The following SHISA9 variants were observed in gnomAD, a reference collection of about 807,000 sequenced individuals.
The protein encoded by SHISA9 is shisa family member 9.
In SHISA9, 13 loss-of-function variants were observed where a neutral mutation model predicts 38.0. The ratio of observed to expected loss-of-function variants is 0.34; its 90% CI spans 0.22 to 0.54. The LOEUF (loss-of-function observed/expected upper bound fraction) is 0.54. Ranked by LOEUF, SHISA9 falls within the 20% of genes least tolerant of loss-of-function variation. SHISA9 has a pLI of 0.91. For synonymous variants in SHISA9, 275 were observed against 242.0 expected, an observed-to-expected ratio of 1.14 and a Z score of -1.27; for missense variants, 538 against 575.8, an observed-to-expected ratio of 0.93 and a Z score of 0.67.
intron 2 of SHISA9, among the ~76,000 whole-genome samples, chr16:13,007,145 A>G (rs1358723970): frequency 6.6e-6 from 1 of 152,196 alleles, no homozygotes; most frequent in Non-Finnish European, 1.5e-5. Flanking sequence ...TTCTCTAGGA[A>G]CTTCAACCTC....
chr16:13,357,138 GGAAATAAGGGATTGGGGCACA>G, the SHISA9 span, among the ~76,000 whole-genome samples: 1 of 151,806 alleles, frequency 6.6e-6, no homozygotes, highest in Non-Finnish European at 1.5e-5. Context: ...GTTGGGGCAC[GGAAATAAGGGATTGGGGCACA>G]GAGATAAGAG....
the SHISA9 span, among the ~76,000 whole-genome samples, chr16:13,554,066 T>C: frequency 2.0e-5 from 3 of 151,964 alleles, no homozygotes; most frequent in Non-Finnish European, 4.4e-5. Flanking sequence ...GGGGGGAAAG[T>C]AAAAAGTATA....
chr16:13,533,700 G>T, the SHISA9 span, among the ~76,000 whole-genome samples: 2 of 150,840 alleles, frequency 1.3e-5, no homozygotes, highest in Non-Finnish European at 2.9e-5. Flanking sequence ...TGCTTCAATT[G>T]TCCCCCATCT....
At chr16:13,557,040 C>G in the SHISA9 span, among the ~76,000 whole-genome samples, 1 of 152,086 alleles carries the variant, frequency 6.6e-6, no homozygotes, top group Non-Finnish European at 1.5e-5. Context: ...GGGAGTGTAC[C>G]GTTTGGTACT....
At chr16:13,008,084 C>A (rs144485002) in intron 2 of SHISA9, among the ~76,000 whole-genome samples, 1 of 152,116 alleles carries the variant, frequency 6.6e-6, no homozygotes, top group Non-Finnish European at 1.5e-5. Flanking sequence ...AGAATGGAAG[C>A]GCCAGGGAGT....
intron 2 of SHISA9, among the ~76,000 whole-genome samples, chr16:12,959,083 T>C (rs2071874258): frequency 1.3e-5 from 2 of 152,176 alleles, no homozygotes; most frequent in Admixed American, 6.5e-5. Flanking sequence ...TGGGAAACCA[T>C]TGGAGGATTT....
At chr16:12,906,634 T>A (rs1274521036) in intron 1 of SHISA9, among the ~76,000 whole-genome samples, 1 of 152,200 alleles carries the variant, frequency 6.6e-6, no homozygotes, top group African/African-American at 2.4e-5. Context: ...TATTTCTACT[T>A]AGGTGTTTTT....
intron 2 of SHISA9, among the ~76,000 whole-genome samples, chr16:13,102,411 A>T (rs1441554026): frequency 1.3e-5 from 2 of 152,156 alleles, no homozygotes; most frequent in Admixed American, 6.6e-5. Context: ...CTTCTCTTCC[A>T]GGTCCTTCTG....
rs146020742 is a variant in SHISA9, at chr16:13,054,849, C to T, written c.691+138034C>T. On this transcript the variant is annotated intron_variant, in intron 2 of 4. Transcript: ENST00000558583. The stretch of plus-strand genomic sequence containing the variant: ...TCATTTCAGTGCATGGAAATTTCCA[C>T]GCTGTCTCCTGCCACGGGGCCTTTG... Among the ~76,000 whole-genome samples, 51 of 152,302 alleles carry T rather than the reference C, an allele frequency of 3.3e-4. No individual in the cohort carries two copies. The East Asian group carries it at 6.0e-3, about 18-fold the overall frequency.
intron 3 of SHISA9, among the ~76,000 whole-genome samples, chr16:13,207,466 A>C (rs1232617398): frequency 7.7e-6 from 1 of 129,580 alleles, no homozygotes; most frequent in African/African-American, 3.0e-5. Context: ...GTCTTTGACA[A>C]GAATAAAAAA....
the SHISA9 span, among the ~76,000 whole-genome samples, chr16:13,556,541 T>C: frequency 6.6e-6 from 1 of 152,066 alleles, no homozygotes; most frequent in Non-Finnish European, 1.5e-5. Flanking sequence ...CACGTGCCTG[T>C]AATCCCAGCT....
intron 2 of SHISA9, among the ~76,000 whole-genome samples, chr16:13,017,711 A>C (rs1223916228): frequency 6.6e-6 from 1 of 152,188 alleles, no homozygotes; most frequent in Non-Finnish European, 1.5e-5. Flanking sequence ...TGAGGTTTAG[A>C]ATAGTTAAGT....
intron 2 of SHISA9, among the ~76,000 whole-genome samples, chr16:13,114,393 T>C (rs892564669): frequency 5.0e-5 from 7 of 139,658 alleles, no homozygotes; most frequent in African/African-American, 1.9e-4. Context: ...TTGAACCCAG[T>C]AGGCGGAGCT....
At chr16:13,389,573 TATAG>T in the SHISA9 span, among the ~76,000 whole-genome samples, 2 of 152,162 alleles carry the variant, frequency 1.3e-5, no homozygotes, top group South Asian at 4.1e-4. Flanking sequence ...TACTGAAGGA[TATAG>T]ATATTTTATT....
the SHISA9 span, among the ~76,000 whole-genome samples, chr16:13,306,368 C>G: frequency 6.6e-6 from 1 of 152,152 alleles, no homozygotes; most frequent in Admixed American, 6.5e-5. Context: ...GAGCAGTAAG[C>G]CTTTGTAACA....
the SHISA9 span, among the ~76,000 whole-genome samples, chr16:13,518,420 C>G: frequency 1.3e-5 from 2 of 152,182 alleles, no homozygotes; most frequent in Non-Finnish European, 2.9e-5. Context: ...CCTCTCCTCT[C>G]AGATGCCAAA....
At chr16:13,245,855 A>T in the SHISA9 span, among the ~76,000 whole-genome samples, 1 of 152,174 alleles carries the variant, frequency 6.6e-6, no homozygotes, top group Admixed American at 6.5e-5. Context: ...CCCAGAGGAG[A>T]AAGACAAATG....
chr16:13,497,361 C>T, the SHISA9 span, among the ~76,000 whole-genome samples: 4 of 151,824 alleles, frequency 2.6e-5, no homozygotes, highest in African/African-American at 9.7e-5. Context: ...TAAAAGCAAC[C>T]CAGGTATCCA....
At chr16:13,040,465 C>G (rs1219764922) in intron 2 of SHISA9, among the ~76,000 whole-genome samples, 1 of 152,234 alleles carries the variant, frequency 6.6e-6, no homozygotes, top group Admixed American at 6.5e-5. Context: ...TTCTAAAAAG[C>G]TTTCTGCCCT....
Sources: allele counts gnomAD v4.1 joint callset (sites outside exome capture counted in the v4.1 genomes callset), GRCh38; gene constraint gnomAD v4.1.1; transcripts MANE v1.5; gene names NCBI Gene and HGNC (gene_info 2026-07-23, HGNC 2026-07-21).